The following SLC13A5 variants were observed in gnomAD, a reference collection of about 807,000 sequenced individuals.
SLC13A5 encodes Na(+)/citrate cotransporter.
SLC13A5 carries 25 observed loss-of-function variants against 56.5 expected under a neutral mutation model. That is an observed-to-expected ratio of 0.44 (90% confidence interval 0.32 to 0.62). The LOEUF is 0.62. Ranked by LOEUF, SLC13A5 falls within the 20% of genes least tolerant of loss-of-function variation. The probability of loss-of-function intolerance (pLI) is 0.04; values close to 1 mark genes in which losing one functional copy is unlikely to be tolerated. For missense variants in SLC13A5, 649 were observed against 737.8 expected, an observed-to-expected ratio of 0.88 and a Z score of 1.39; for synonymous variants, 307 against 301.5, an observed-to-expected ratio of 1.02 and a Z score of -0.19.
Position 6,711,485 on chromosome 17 carries a change from G to GGTAT in SLC13A5, c.102+1746_102+1747insATAC, listed in dbSNP as rs1555543875. ...CACTGAGTTAGGGTTTCCAGTTCAGGGTGTGTGTGTGTGTGTGTGTGTATG... is the reference window on the plus strand; with the variant it reads ...CACTGAGTTAGGGTTTCCAGTTCAGGGTATGTGTGTGTGTGTGTGTGTGTGTATG... On this transcript the variant is annotated intron_variant, in intron 1 of 11. Coordinates refer to ENST00000433363, the MANE Select transcript of SLC13A5 (RefSeq NM_177550.5). The surrounding 1 kb of genome is among the most constrained non-coding windows in gnomAD (Gnocchi z 4.0). Among the ~76,000 whole-genome samples the GGTAT allele has an allele frequency of 2.0e-5, 3 of 148,120 alleles. No individual in the cohort carries two copies. Among genetic ancestry groups the GGTAT allele is most frequent in the African/African-American group, 7.4e-5 (3 of 40,340 alleles).
chr17:6,686,853 C>CT (rs936713979), intron 11 of SLC13A5: 32 of 156,032 alleles, frequency 2.1e-4, no homozygotes, highest in Admixed American at 2.5e-4. Context: ...TGGGACCCAC[C>CT]TTTTTTTTTG....
In SLC13A5 at chr17:6,706,785, C is replaced by T. The variant is rs376066820; in HGVS notation, c.232-7G>A. The T allele has an allele frequency of 5.3e-5, 85 of 1,613,840 alleles. No homozygotes were observed. The African/African-American group carries it at 8.0e-4, about 15-fold the overall frequency. The stretch of plus-strand genomic sequence containing the variant: ...TCATGTACTGGACACACACCTGGAG[C>T]GTGGCACGAAGGCCTCATCAGGACT... On this transcript the variant is annotated splice_region_variant and splice_polypyrimidine_tract_variant and intron_variant, in intron 2 of 11. Transcript: ENST00000433363.
chr17:6,710,651 C>A (rs1973995999), intron 1 of SLC13A5, among the ~76,000 whole-genome samples: 1 of 152,074 alleles, frequency 6.6e-6, no homozygotes, highest in South Asian at 2.1e-4. Context: ...AGAATGCCTC[C>A]ACAGTGTCAA....
In SLC13A5 at chr17:6,692,151, G is replaced by C. The variant is rs1206521313; in HGVS notation, c.1275+893C>G. Among the ~76,000 whole-genome samples the C allele has an allele frequency of 6.6e-6, 1 of 151,376 alleles. No individual in the cohort carries two copies. The highest frequency in any genetic ancestry group is 6.6e-5 in the Admixed American group (1 of 15,210). ...TGGATGGATGGATGGATGGATGGAT[G>C]GATGGATGGATGGATAGATGGGTGG... On this transcript the variant is annotated intron_variant, in intron 9 of 11. Coordinates refer to ENST00000433363, the MANE Select transcript of SLC13A5 (RefSeq NM_177550.5). The surrounding 1 kb of genome is among the most constrained non-coding windows in gnomAD (Gnocchi z 5.5).
intron 11 of SLC13A5, chr17:6,686,562 C>A: frequency 1.9e-6 from 1 of 526,352 alleles, no homozygotes; most frequent in Non-Finnish European, 3.4e-6. Flanking sequence ...TCTCTATGCC[C>A]GTGCGCATTT....
At chr17:6,694,740 A>G (rs945759985) in intron 7 of SLC13A5, among the ~76,000 whole-genome samples, 42 of 152,206 alleles carry the variant, frequency 2.8e-4, no homozygotes, top group African/African-American at 9.6e-4. Flanking sequence ...TGCATTCTCC[A>G]TAAGTGTATT....
chr17:6,694,490 C>T (rs1054168854), intron 7 of SLC13A5, among the ~76,000 whole-genome samples: 3 of 152,218 alleles, frequency 2.0e-5, no homozygotes, highest in South Asian at 2.1e-4. Flanking sequence ...TGCTGGCGGG[C>T]GCCTGTAATC....
At position 6,706,697 on chromosome 17, in the gene SLC13A5, G is replaced by A. The variant is rs765334582; in HGVS notation, c.313C>T (p.Leu105=). ...IVAVAVERWN[L]HKRIALRTLL... ...GTGCGCAGGGCGATCCTCTTGTGCA[G>A]GTTCCAGCGCTCCACAGCCACGGCC... The change falls in exon 3 of 12, where the codon CTG becomes TTG. Residue 105 remains leucine (L), a synonymous_variant. Transcript: ENST00000433363. 4.3e-6 allele frequency: 7 copies of A among 1,614,048 alleles called. No individual in the cohort carries two copies. In the South Asian group the frequency reaches 6.6e-5, roughly 15 times the overall value.
chr17:6,710,805 G>T (rs1424405556), intron 1 of SLC13A5, among the ~76,000 whole-genome samples: 1 of 151,846 alleles, frequency 6.6e-6, no homozygotes, highest in East Asian at 1.9e-4. Context: ...GAGAGAGAGA[G>T]ATTCATCTGG....
chr17:6,704,406 A>T (rs1408909498), intron 3 of SLC13A5: 1 of 418,144 alleles, frequency 2.4e-6, no homozygotes, highest in South Asian at 1.8e-5. Context: ...GATGGTGCCA[A>T]CTCAATATGA....
rs1172755607 is a variant in SLC13A5 at position 6,701,043 on chromosome 17, A to T, written c.800T>A (p.Phe267Tyr). 7 of 1,614,244 alleles carry T rather than the reference A, an allele frequency of 4.3e-6. No individual in the cohort carries two copies. Among genetic ancestry groups the T allele is most frequent in the Non-Finnish European group, 5.9e-6 (7 of 1,180,042 alleles). The change falls in exon 6 of 12, where the codon TTC (phenylalanine) becomes TAC (tyrosine). Residue 267 changes from phenylalanine to tyrosine, a missense_variant. Physicochemically the swap from Phe to Tyr is conservative, Grantham distance 22. Coordinates refer to ENST00000433363, the MANE Select transcript of SLC13A5 (RefSeq NM_177550.5). The surrounding 1 kb of genome is among the most constrained non-coding windows in gnomAD (Gnocchi z 4.1). Reference sequence around the variant, plus strand: ...AACAAACTGGAGCCACAGCCAGGCGAACAGCAGCATCACCAGCATGTTGGG... The same window carrying T: ...AACAAACTGGAGCCACAGCCAGGCGTACAGCAGCATCACCAGCATGTTGGG... ...AFPNMLVMLL[F>Y]AWLWLQFVYM...
chr17:6,686,651 T>A, intron 11 of SLC13A5: 1 of 329,324 alleles, frequency 3.0e-6, no homozygotes, highest in African/African-American at 2.1e-5. Flanking sequence ...CAGTGTTCCG[T>A]GAGTCCAGGT....
At position 6,695,910 on chromosome 17, in the gene SLC13A5, T is replaced by C. The variant is rs370695545; in HGVS notation, c.871A>G (p.Ser291Gly). The C allele has an allele frequency of 6.2e-7, 1 of 1,614,044 alleles. No individual in the cohort carries two copies. Reference protein sequence around the residue: ...FKKSWGCGLESKKNEKAALKV... With the variant: ...FKKSWGCGLEGKKNEKAALKV... ...AGGGCAGCCTTCTCGTTTTTCTTGCTCTCTAGCCCGCAGCCCCAGGACTTT... is the reference window on the plus strand; with the variant it reads ...AGGGCAGCCTTCTCGTTTTTCTTGCCCTCTAGCCCGCAGCCCCAGGACTTT... Residue 291 changes from serine to glycine, a missense_variant, in exon 7 of 12, where the codon AGC becomes GGC. Coordinates refer to ENST00000433363, the MANE Select transcript of SLC13A5 (RefSeq NM_177550.5).
rs1426693553 is a variant in SLC13A5, at chr17:6,711,533, TTGTGTGTTTTGTG to T, written c.102+1686_102+1698del. ...ATGTGTATGTGTGTGTTTGTGTTTT[TTGTGTGTTTTGTG>T]TGTGTGTTTGTGTGTGTGTTTGTGT... On this transcript the variant is annotated intron_variant, in intron 1 of 11. Coordinates refer to ENST00000433363, the MANE Select transcript of SLC13A5 (RefSeq NM_177550.5). The surrounding 1 kb of genome is among the most constrained non-coding windows in gnomAD (Gnocchi z 4.0). Among the ~76,000 whole-genome samples, 5 of 149,758 alleles carry T rather than the reference TTGTGTGTTTTGTG, an allele frequency of 3.3e-5. No individual in the cohort carries two copies. The highest frequency in any genetic ancestry group is 6.7e-5 in the Admixed American group (1 of 14,944).
chr17:6,699,607 G>T (rs774267599), intron 6 of SLC13A5, among the ~76,000 whole-genome samples: 1 of 152,096 alleles, frequency 6.6e-6, no homozygotes, highest in African/African-American at 2.4e-5. Flanking sequence ...AGTAGCTGGG[G>T]TTACAGGCAT....
Position 6,685,567 on chromosome 17 carries a change from G to C in SLC13A5, c.*640C>G, listed in dbSNP as rs1235146958. 1 of 153,634 alleles carries C rather than the reference G, an allele frequency of 6.5e-6. No individual in the cohort carries two copies. The highest frequency in any genetic ancestry group is 2.0e-4 in the South Asian group (1 of 4,882). 9.5% of individuals were successfully genotyped at this position (153,634 alleles called of 1,614,324 possible). On this transcript the variant is annotated 3_prime_UTR_variant, in exon 12 of 12. Coordinates refer to ENST00000433363, the MANE Select transcript of SLC13A5 (RefSeq NM_177550.5). The surrounding 1 kb of genome is among the most constrained non-coding windows in gnomAD (Gnocchi z 4.2). ...TGGTGCACTGTGGGTGGCAAGCCAGGTGTCGTCCTGAAGTTGGCAACTCAG... is the reference window on the plus strand; with the variant it reads ...TGGTGCACTGTGGGTGGCAAGCCAGCTGTCGTCCTGAAGTTGGCAACTCAG...
At chr17:6,699,088 TAAAA>T (rs1973640784) in intron 6 of SLC13A5, among the ~76,000 whole-genome samples, 1 of 87,134 alleles carries the variant, frequency 1.1e-5, no homozygotes, top group East Asian at 4.5e-4. Flanking sequence ...AATAAATAAA[TAAAA>T]TAAAATAAAA....
intron 6 of SLC13A5, among the ~76,000 whole-genome samples, chr17:6,698,253 A>T (rs929217033): frequency 1.3e-5 from 2 of 152,242 alleles, no homozygotes; most frequent in African/African-American, 4.8e-5. Context: ...CACCACGAGC[A>T]TGCTCAGAAG....
At chr17:6,690,663 G>A in intron 10 of SLC13A5, 116 bp downstream of exon 10, 1 of 1,412,128 alleles carries the variant, frequency 7.1e-7, no homozygotes, top group Middle Eastern at 2.0e-4. Flanking sequence ...TCAGACCTGG[G>A]TCTCCAAAGC....
Sources: gnomAD v4.1 joint callset for allele counts (sites outside exome capture counted in the v4.1 genomes callset) on GRCh38, gnomAD v4.1.1 for gene constraint, Gnocchi (gnomAD v3.1) non-coding constraint, MANE v1.5 for transcripts, NCBI Gene and HGNC (gene_info 2026-07-23, HGNC 2026-07-21) for gene names.